TRMT11: variants seen among roughly 807,000 people sequenced by gnomAD.
TRMT11 encodes the protein tRNA methyltransferase 11.
Under a neutral mutation model 62.8 loss-of-function variants are expected in TRMT11, and 53 were observed. That is an observed-to-expected ratio of 0.84 (90% CI 0.68 to 1.06). The LOEUF (loss-of-function observed/expected upper bound fraction) is 1.06. TRMT11 is among the 50% of genes least tolerant of loss of function. The probability of loss-of-function intolerance (pLI) is 0.00; values close to 1 mark genes in which losing one functional copy is unlikely to be tolerated. For synonymous variants in TRMT11, 188 were observed against 190.3 expected (o/e 0.99, Z 0.10); for missense variants, 556 against 553.4 (o/e 1.00, Z -0.05).
intron 21 of TRMT11, among the ~76,000 whole-genome samples, chr6:126,139,632 G>A (rs1424223390): frequency 6.6e-6 from 1 of 152,070 alleles, no homozygotes; most frequent in Non-Finnish European, 1.5e-5. Flanking sequence ...CTCTCCCAAA[G>A]TGCTGGGATT....
chr6:126,063,649 T>G (rs1219333769), intron 17 of TRMT11, among the ~76,000 whole-genome samples: 1 of 152,234 alleles, frequency 6.6e-6, no homozygotes, highest in Non-Finnish European at 1.5e-5. Flanking sequence ...AAGCCTGAGA[T>G]TCTCTGTTTC....
intron 7 of TRMT11, among the ~76,000 whole-genome samples, chr6:126,004,525 GCACAGTTTGTCCTCTCTTGGGCCTTTTGC>G (rs1403316732): frequency 5.3e-5 from 8 of 151,994 alleles, no homozygotes; most frequent in Non-Finnish European, 7.4e-5. Flanking sequence ...CAGGTCTTAA[GCACAGTTTGTCCTCTCTTGGGCCTTTTGC>G]CTCATCGATG....
At chr6:126,156,565 A>G (rs562262590) in intron 21 of TRMT11, among the ~76,000 whole-genome samples, 6 of 152,254 alleles carry the variant, frequency 3.9e-5, no homozygotes, top group African/African-American at 1.4e-4. Context: ...ATAAAGAAAT[A>G]CCAGAGACTG....
intron 21 of TRMT11, among the ~76,000 whole-genome samples, chr6:126,160,877 T>C (rs923222392): frequency 1.3e-5 from 2 of 152,140 alleles, no homozygotes; most frequent in Non-Finnish European, 2.9e-5. Flanking sequence ...GACAGGAGCC[T>C]GTCAGAAAAC....
At chr6:126,134,744 AC>A (rs1777831982) in intron 21 of TRMT11, among the ~76,000 whole-genome samples, 1 of 152,040 alleles carries the variant, frequency 6.6e-6, no homozygotes, top group African/African-American at 2.4e-5. Flanking sequence ...ATGTTAGACC[AC>A]AAAACAAGTC....
intron 17 of TRMT11, among the ~76,000 whole-genome samples, chr6:126,105,698 C>A (rs1197193442): frequency 6.6e-6 from 1 of 151,780 alleles, no homozygotes; most frequent in East Asian, 1.9e-4. Context: ...CATGATGTAT[C>A]TTAAAAGTTT....
chr6:126,045,919 A>G (rs945665645), intron 16 of TRMT11, among the ~76,000 whole-genome samples: 2 of 151,842 alleles, frequency 1.3e-5, no homozygotes, highest in African/African-American at 4.8e-5. Context: ...TTTTTTTTCC[A>G]GTGGGTCTTG....
intron 1 of TRMT11, among the ~76,000 whole-genome samples, chr6:125,988,369 T>C (rs964890231): frequency 1.3e-5 from 2 of 152,022 alleles, no homozygotes; most frequent in Non-Finnish European, 2.9e-5. Context: ...AGTAAGAAAT[T>C]GGTTAACAGT....
At chr6:126,145,554 C>T (rs1777964733) in intron 21 of TRMT11, among the ~76,000 whole-genome samples, 1 of 152,128 alleles carries the variant, frequency 6.6e-6, no homozygotes, top group Non-Finnish European at 1.5e-5. Flanking sequence ...ACTGCTGCTC[C>T]TCCTGCCAGG....
chr6:126,263,800 ACT>A, the TRMT11 span, among the ~76,000 whole-genome samples: 1 of 152,058 alleles, frequency 6.6e-6, no homozygotes, highest in Non-Finnish European at 1.5e-5. Context: ...ATTGAGGGAA[ACT>A]CTGAAGTTTC....
At chr6:126,122,668 C>T (rs1041453563) in intron 21 of TRMT11, among the ~76,000 whole-genome samples, 3 of 152,082 alleles carry the variant, frequency 2.0e-5, no homozygotes, top group Admixed American at 6.6e-5. Context: ...TTAGATCTTA[C>T]CCTTTTTGTC....
chr6:126,167,676 G>A (rs1275901170), intron 21 of TRMT11, among the ~76,000 whole-genome samples: 2 of 152,202 alleles, frequency 1.3e-5, no homozygotes, highest in African/African-American at 4.8e-5. Flanking sequence ...ATGCTCTTAT[G>A]TGTGTGTATA....
chr6:126,129,925 T>G (rs1021799943), intron 21 of TRMT11, among the ~76,000 whole-genome samples: 1 of 152,106 alleles, frequency 6.6e-6, no homozygotes, highest in Non-Finnish European at 1.5e-5. Flanking sequence ...TGAGGGACCA[T>G]GTAGAGACTT....
chr6:126,200,507 CTAG>C (rs1778722342), intron 3 of TRMT11, among the ~76,000 whole-genome samples: 1 of 152,166 alleles, frequency 6.6e-6, no homozygotes, highest in African/African-American at 2.4e-5. Flanking sequence ...TGATAAAATA[CTAG>C]TCTTTAGTGT....
intron 1 of TRMT11, among the ~76,000 whole-genome samples, chr6:126,178,361 C>G (rs1237362233): frequency 6.6e-6 from 1 of 152,170 alleles, no homozygotes; most frequent in Non-Finnish European, 1.5e-5. Flanking sequence ...GACACTGAGG[C>G]TGAGGCTGTC....
At chr6:126,093,581 GTATGTATATATATATATATATATATA>G in intron 17 of TRMT11, among the ~76,000 whole-genome samples, 1 of 37,086 alleles carries the variant, frequency 2.7e-5, no homozygotes, top group African/African-American at 9.3e-5. Flanking sequence ...AACAGGATAT[GTATGTATATATATATATATATATATA>G]TATATATATA....
At chr6:126,092,188 AT>A in intron 17 of TRMT11, among the ~76,000 whole-genome samples, 1 of 152,240 alleles carries the variant, frequency 6.6e-6, no homozygotes. Context: ...CTCTGTGTAG[AT>A]TTAGTTTTAA....
At chr6:126,146,341 G>A (rs371222596) in intron 21 of TRMT11, among the ~76,000 whole-genome samples, 38 of 152,240 alleles carry the variant, frequency 2.5e-4, no homozygotes, top group African/African-American at 8.2e-4. Context: ...TGTTTTGTGT[G>A]ACACTCTGGC....
At chr6:126,130,280 G>GGT (rs1367238339) in intron 21 of TRMT11, among the ~76,000 whole-genome samples, 1 of 152,002 alleles carries the variant, frequency 6.6e-6, no homozygotes, top group South Asian at 2.1e-4. Flanking sequence ...TGCTCGATGT[G>GGT]GTGCTCTAGA....
Sources: gnomAD v4.1 joint callset for allele counts (sites outside exome capture counted in the v4.1 genomes callset) on GRCh38, gnomAD v4.1.1 for gene constraint, MANE v1.5 for transcripts, NCBI Gene and HGNC (gene_info 2026-07-23, HGNC 2026-07-21) for gene names.